Variants in CHN1 observed in about 807,000 individuals in gnomAD.
The protein encoded by CHN1 is chimerin 1.
A neutral mutation model predicts 59.5 loss-of-function variants in CHN1; 37 were observed. The ratio of observed to expected loss-of-function variants is 0.62; its 90% CI spans 0.48 to 0.82. The LOEUF (loss-of-function observed/expected upper bound fraction) is 0.82. Among genes scored for constraint, CHN1 ranks in the 40% least tolerant of loss-of-function variants. The pLI, the probability that CHN1 is intolerant of heterozygous loss-of-function variation, is 0.00. For synonymous variants in CHN1, 206 were observed against 200.4 expected, an observed-to-expected ratio of 1.03 and a Z score of -0.24; for missense variants, 469 against 571.0, an observed-to-expected ratio of 0.82 and a Z score of 1.82.
intron 5 of CHN1, among the ~76,000 whole-genome samples, chr2:174,896,907 A>G (rs1308558309): frequency 1.3e-5 from 2 of 152,154 alleles, no homozygotes; most frequent in East Asian, 3.8e-4. Context: ...AATGATATAA[A>G]TTACCTTTTT....
At chr2:174,843,228 A>ATTAT (rs78226248) in intron 7 of CHN1, among the ~76,000 whole-genome samples, 14,273 of 151,450 alleles carry the variant, frequency 0.094, 744 homozygotes, top group Admixed American at 0.14. Context: ...TGTAGCTTTT[A>ATTAT]TTATTTATTT....
intron 6 of CHN1, among the ~76,000 whole-genome samples, chr2:174,853,214 GAA>G: frequency 6.6e-6 from 1 of 151,934 alleles, no homozygotes; most frequent in Non-Finnish European, 1.5e-5. Flanking sequence ...TCGAATAACT[GAA>G]GTCTATAACA....
At chr2:174,816,351 C>T (rs1685261115) in intron 8 of CHN1, among the ~76,000 whole-genome samples, 1 of 152,184 alleles carries the variant, frequency 6.6e-6, no homozygotes, top group Non-Finnish European at 1.5e-5. Context: ...ACTGCTATTG[C>T]AAGGTGGTGG....
intron 5 of CHN1, among the ~76,000 whole-genome samples, chr2:174,882,685 C>T (rs755798070): frequency 1.3e-5 from 2 of 152,088 alleles, no homozygotes; most frequent in African/African-American, 4.8e-5. Flanking sequence ...TTTCCAGCAA[C>T]CAACATACAA....
intron 5 of CHN1, among the ~76,000 whole-genome samples, chr2:174,902,369 G>A (rs193299624): frequency 2.2e-4 from 33 of 151,854 alleles, no homozygotes; most frequent in Non-Finnish European, 1.6e-4. Context: ...CACATAAACT[G>A]GAATTATTAT....
At chr2:174,996,299 C>CACTT (rs1691705737) in intron 1 of CHN1, among the ~76,000 whole-genome samples, 1 of 152,208 alleles carries the variant, frequency 6.6e-6, no homozygotes, top group Non-Finnish European at 1.5e-5. Flanking sequence ...TGGCACATGG[C>CACTT]ACTTATTCAG....
intron 1 of CHN1, among the ~76,000 whole-genome samples, chr2:174,963,180 G>C (rs1432599493): frequency 2.0e-5 from 3 of 152,098 alleles, no homozygotes; most frequent in Admixed American, 1.3e-4. Context: ...TACGAGGCGG[G>C]TCCAGATATA....
chr2:174,812,731 A>C (rs2105384631), intron 8 of CHN1, among the ~76,000 whole-genome samples: 1 of 152,338 alleles, frequency 6.6e-6, no homozygotes, highest in South Asian at 2.1e-4. Flanking sequence ...TCTCAGGAGA[A>C]TACAACAAAA....
Position 174,896,121 on chromosome 2 carries a change from A to T in CHN1, c.261-17993T>A, listed in dbSNP as rs963186023. ...AGTCACAAAGGCCAAATCTAAAATT[A>T]AAAAAAAAACTCCTTTATATATAAG... On this transcript the variant is annotated intron_variant, in intron 5 of 12. Coordinates refer to ENST00000409900, the MANE Select transcript of CHN1 (RefSeq NM_001822.7). 7.3e-4 allele frequency among the ~76,000 whole-genome samples: 88 copies of T among 120,132 alleles called. 1 individual carries two copies. The highest frequency in any genetic ancestry group is 9.0e-4 in the African/African-American group (18 of 20,052). The allele number at this position is 120,132 out of a possible 152,430, so 78.8% of individuals were successfully genotyped here.
chr2:174,854,673 A>G (rs1417116079), intron 6 of CHN1, among the ~76,000 whole-genome samples: 1 of 152,188 alleles, frequency 6.6e-6, no homozygotes, highest in Non-Finnish European at 1.5e-5. Context: ...TACTTATGGT[A>G]TAGAATTATT....
intron 7 of CHN1, among the ~76,000 whole-genome samples, chr2:174,825,640 T>A (rs1272422243): frequency 6.6e-6 from 1 of 152,118 alleles, no homozygotes; most frequent in African/African-American, 2.4e-5. Context: ...CATTAAAAAA[T>A]AATAAAAATT....
chr2:174,944,013 A>C (rs893410339), intron 3 of CHN1, among the ~76,000 whole-genome samples: 3 of 152,068 alleles, frequency 2.0e-5, no homozygotes, highest in South Asian at 2.1e-4. Flanking sequence ...CATACTTACT[A>C]TATCTATATA....
intron 6 of CHN1, among the ~76,000 whole-genome samples, chr2:174,850,285 C>CA (rs1686687294): frequency 6.6e-6 from 1 of 152,038 alleles, no homozygotes; most frequent in African/African-American, 2.4e-5. Context: ...TTGAATCTAG[C>CA]ATAGCAGCTT....
intron 1 of CHN1, among the ~76,000 whole-genome samples, chr2:174,965,733 C>T (rs920273835): frequency 1.3e-5 from 2 of 152,180 alleles, no homozygotes; most frequent in African/African-American, 4.8e-5. Context: ...ATTTCCTGTA[C>T]TGCTTTAATC....
Position 174,918,538 on chromosome 2 carries a change from T to C in CHN1, c.142A>G (p.Arg48Gly), listed in dbSNP as rs1229908731. 1 of 1,589,138 alleles carries C rather than the reference T, an allele frequency of 6.3e-7. No homozygotes were observed. Among genetic ancestry groups the C allele is most frequent in the East Asian group, 2.3e-5 (1 of 44,116 alleles). Residue 48 changes from arginine (R) to glycine (G), a missense_variant, in exon 4 of 13, where the codon AGA becomes GGA. Around this residue, in one of 5 missense-constraint regions of CHN1, gnomAD observed 152 missense variants for 166.1 expected, o/e 0.92. Coordinates refer to ENST00000409900, the MANE Select transcript of CHN1 (RefSeq NM_001822.7). Reference sequence around the variant, plus strand: ...TTTCTAATAATCCATACTTACTCTCTTCCATAATACTTTGGTCTGTTTTCC... The same window carrying C: ...TTTCTAATAATCCATACTTACTCTCCTCCATAATACTTTGGTCTGTTTTCC... ...EVENRPKYYG[R>G]EFHGMISREA...
chr2:174,935,632 A>G (rs1689474551), intron 3 of CHN1, among the ~76,000 whole-genome samples: 1 of 152,188 alleles, frequency 6.6e-6, no homozygotes, highest in African/African-American at 2.4e-5. Flanking sequence ...AAACATTTTT[A>G]AAACATGTGT....
chr2:174,934,344 T>C (rs1003997696), intron 3 of CHN1, among the ~76,000 whole-genome samples: 8 of 152,188 alleles, frequency 5.3e-5, no homozygotes, highest in African/African-American at 1.9e-4. Flanking sequence ...CAGTTCACAA[T>C]AGGGGTCACA....
intron 1 of CHN1, among the ~76,000 whole-genome samples, chr2:174,956,046 T>TA (rs1306510698): frequency 1.3e-5 from 2 of 152,030 alleles, no homozygotes; most frequent in Non-Finnish European, 2.9e-5. Flanking sequence ...AGTTGAAAAT[T>TA]AAAAAACAAT....
intron 12 of CHN1, 46 bp from the exon 13 acceptor site, chr2:174,800,333 T>C (rs1684680169): frequency 3.0e-6 from 4 of 1,335,750 alleles, no homozygotes; most frequent in Non-Finnish European, 3.9e-6. Context: ...GTAAGCCATA[T>C]GTTCTTCATT....
Sources: allele counts gnomAD v4.1 joint callset (sites outside exome capture counted in the v4.1 genomes callset), GRCh38; gene constraint gnomAD v4.1.1; regional missense constraint gnomAD v4.1.1; transcripts MANE v1.5; gene names NCBI Gene and HGNC (gene_info 2026-07-23, HGNC 2026-07-21).